The following THSD4 variants were observed in gnomAD, a reference collection of about 807,000 sequenced individuals.
THSD4 encodes the protein thrombospondin type 1 domain containing 4, also known as thrombospondin type-1 domain-containing protein 4.
In THSD4, 69 loss-of-function variants were observed where a neutral mutation model predicts 119.0. The observed-to-expected ratio is 0.58, with a 90% CI of 0.48 to 0.71. THSD4 has a LOEUF of 0.71. Ranked by LOEUF, THSD4 falls within the 30% of genes least tolerant of loss-of-function variation. THSD4 has a pLI of 0.00. For missense variants in THSD4, 1,393 were observed against 1,391.1 expected (o/e 1.00, Z -0.02); for synonymous variants, 524 against 540.4 (o/e 0.97, Z 0.42).
intron 7 of THSD4, among the ~76,000 whole-genome samples, chr15:71,650,934 A>G (rs1232269435): frequency 6.6e-6 from 1 of 152,238 alleles, no homozygotes; most frequent in Non-Finnish European, 1.5e-5. Flanking sequence ...ATTATAAAAT[A>G]TACTTTAGAA....
intron 6 of THSD4, among the ~76,000 whole-genome samples, chr15:71,359,754 G>A (rs112332578): frequency 6.6e-6 from 1 of 152,194 alleles, no homozygotes; most frequent in Non-Finnish European, 1.5e-5. Context: ...AGGTTGCAGT[G>A]AGCCAAGATC....
intron 6 of THSD4, among the ~76,000 whole-genome samples, chr15:71,308,025 A>G (rs1467299225): frequency 1.3e-5 from 2 of 152,182 alleles, no homozygotes; most frequent in Non-Finnish European, 2.9e-5. Context: ...TACTGGGGCC[A>G]GTCATAGAAG....
chr15:71,670,544 A>G (rs1461673849), intron 8 of THSD4, among the ~76,000 whole-genome samples: 4 of 149,900 alleles, frequency 2.7e-5, no homozygotes, highest in East Asian at 4.1e-4. Context: ...CATGTGCACA[A>G]CGTGCAGGTT....
intron 7 of THSD4, among the ~76,000 whole-genome samples, chr15:71,589,233 A>T (rs1175473539): frequency 3.2e-5 from 3 of 94,468 alleles, no homozygotes; most frequent in Admixed American, 1.1e-4. Context: ...AATATATTAA[A>T]GGACATAGGA....
intron 6 of THSD4, among the ~76,000 whole-genome samples, chr15:71,312,446 A>G (rs527797886): frequency 2.4e-4 from 36 of 152,226 alleles, no homozygotes; most frequent in African/African-American, 8.4e-4. Context: ...TAGGACATAC[A>G]GAGACACCAG....
Position 71,779,050 on chromosome 15 carries a change from A to G in THSD4, c.*1676A>G, listed in dbSNP as rs1416087566. On this transcript the variant is annotated 3_prime_UTR_variant, in exon 18 of 18. Coordinates refer to ENST00000261862, the MANE Select transcript of THSD4 (RefSeq NM_024817.3). ...TTTAGCTGACAAATCTGCCACTGTG[A>G]TGATGGTTTGCAGCTTTTGGAAGCA... The G allele has an allele frequency of 6.6e-6, 1 of 152,244 alleles. No individual in the cohort carries two copies. The highest frequency in any genetic ancestry group is 1.9e-4 in the East Asian group (1 of 5,198). The allele number at this position is 152,244 out of a possible 1,614,324, so 9.4% of individuals were successfully genotyped here.
At position 71,406,947 on chromosome 15, in the gene THSD4, G is replaced by A. The variant is rs183611608; in HGVS notation, c.1016-4740G>A. On this transcript the variant is annotated intron_variant, in intron 6 of 17. Transcript: ENST00000261862. ...GATCAGCCCACCTTGGCCTTCTAAA[G>A]TGTTGGGATTACATGCATGAGCCAC... Among the ~76,000 whole-genome samples the A allele has an allele frequency of 5.6e-3, 859 of 152,210 alleles. 1 individual carries two copies. Among genetic ancestry groups the A allele is most frequent in the Middle Eastern group, 0.01 (3 of 294 alleles).
intron 7 of THSD4, among the ~76,000 whole-genome samples, chr15:71,413,555 T>A (rs908803897): frequency 6.6e-6 from 1 of 152,256 alleles, no homozygotes; most frequent in Non-Finnish European, 1.5e-5. Context: ...AACGTGATAT[T>A]TGTCTTTGTA....
intron 6 of THSD4, among the ~76,000 whole-genome samples, chr15:71,340,299 G>T (rs960460090): frequency 1.3e-5 from 2 of 152,196 alleles, no homozygotes. Context: ...GGAACCCAAG[G>T]CTCAGAGAGG....
chr15:71,230,586 G>T (rs879739905), intron 4 of THSD4, among the ~76,000 whole-genome samples: 1 of 152,222 alleles, frequency 6.6e-6, no homozygotes, highest in African/African-American at 2.4e-5. Flanking sequence ...TTTGCTGCTG[G>T]AGACAGGGTG....
intron 8 of THSD4, among the ~76,000 whole-genome samples, chr15:71,674,263 A>G (rs28664089): frequency 0.28 from 42,017 of 152,094 alleles, 6,648 homozygotes; most frequent in East Asian, 0.74. Context: ...TTTACAGTCC[A>G]GCTCTGCCCA....
chr15:71,564,019 T>C (rs2140886042), intron 7 of THSD4, among the ~76,000 whole-genome samples: 1 of 152,338 alleles, frequency 6.6e-6, no homozygotes, highest in East Asian at 1.9e-4. Context: ...CATTTTACTT[T>C]TGTATATTAA....
At chr15:71,509,880 A>C (rs1227585473) in intron 7 of THSD4, among the ~76,000 whole-genome samples, 1 of 152,230 alleles carries the variant, frequency 6.6e-6, no homozygotes, top group Non-Finnish European at 1.5e-5. Flanking sequence ...GAAAACATTT[A>C]AATCTGGTTG....
intron 6 of THSD4, among the ~76,000 whole-genome samples, chr15:71,295,571 G>C (rs2044851522): frequency 6.6e-6 from 1 of 152,124 alleles, no homozygotes; most frequent in Admixed American, 6.5e-5. Context: ...TGTGACTCTG[G>C]GTGAATCATT....
At chr15:71,242,161 G>A (rs1219887313) in intron 4 of THSD4, among the ~76,000 whole-genome samples, 4 of 152,126 alleles carry the variant, frequency 2.6e-5, no homozygotes, top group African/African-American at 7.2e-5. Context: ...AGCTCTTTGA[G>A]TATGAATAGT....
At chr15:71,317,969 C>T (rs1396842131) in intron 6 of THSD4, among the ~76,000 whole-genome samples, 10 of 152,174 alleles carry the variant, frequency 6.6e-5, no homozygotes, top group Admixed American at 6.5e-4. Flanking sequence ...TTGAGATCCT[C>T]ACTGCTGTTT....
upstream of THSD4, chr15:71,115,432 G>A (rs1212422803): frequency 5.3e-5 from 8 of 152,218 alleles, no homozygotes; most frequent in Non-Finnish European, 1.2e-4. This position sits in a 1 kb window ranked among gnomAD's most constrained non-coding sequence, Gnocchi z 4.4. Flanking sequence ...AGAGGGGAGG[G>A]AGGAAGGACC....
intron 7 of THSD4, among the ~76,000 whole-genome samples, chr15:71,611,636 G>A (rs567643587): frequency 5.7e-4 from 87 of 152,332 alleles, no homozygotes; most frequent in African/African-American, 2.0e-3. Context: ...ACAGGTGGGC[G>A]ATTAATGTTA....
At chr15:71,154,630 AGCAGGAAG>A (rs1245801628) in intron 2 of THSD4, among the ~76,000 whole-genome samples, 2 of 152,202 alleles carry the variant, frequency 1.3e-5, no homozygotes, top group Non-Finnish European at 2.9e-5. Flanking sequence ...CCTGCGGGTA[AGCAGGAAG>A]GCTGGGATGT....
Sources: gnomAD v4.1 joint callset for allele counts (sites outside exome capture counted in the v4.1 genomes callset) on GRCh38, gnomAD v4.1.1 for gene constraint, Gnocchi (gnomAD v3.1) non-coding constraint, MANE v1.5 for transcripts, NCBI Gene and HGNC (gene_info 2026-07-23, HGNC 2026-07-21) for gene names.